Variants in FBXL20 observed in about 807,000 individuals in gnomAD.
FBXL20 encodes F-box/LRR-repeat protein 20.
A neutral mutation model predicts 64.0 loss-of-function variants in FBXL20; 11 were observed. The ratio of observed to expected loss-of-function variants is 0.17; its 90% CI spans 0.11 to 0.28. The LOEUF is 0.28. FBXL20 is among the 10% of genes least tolerant of loss of function. The probability of loss-of-function intolerance (pLI) is 1.00; values close to 1 mark genes in which losing one functional copy is unlikely to be tolerated. For synonymous variants in FBXL20, 184 were observed against 189.0 expected (o/e 0.97, Z 0.22); for missense variants, 303 against 526.2 (o/e 0.58, Z 4.15).
rs985906070 is a variant in FBXL20, at chr17:39,264,406, AG to A, written c.991-20del. The A allele has an allele frequency of 3.7e-6, 6 of 1,606,720 alleles. No homozygotes were observed. Among genetic ancestry groups the A allele is most frequent in the Non-Finnish European group, 5.1e-6 (6 of 1,174,874 alleles). On this transcript the variant is annotated intron_variant, in intron 13 of 14. Transcript: ENST00000264658. ...ACAGACTCTGCAGCCAAATAGAGCA[AG>A]GAAGGATGTTGAAATATCTTCTGGC...
intron 1 of FBXL20, among the ~76,000 whole-genome samples, chr17:39,366,720 C>A (rs2047863258): frequency 6.6e-6 from 1 of 152,106 alleles, no homozygotes; most frequent in Admixed American, 6.6e-5. Flanking sequence ...GCATTTCTGA[C>A]CTCGTAAGTT....
intron 2 of FBXL20, among the ~76,000 whole-genome samples, chr17:39,308,114 G>A (rs908223770): frequency 3.9e-5 from 6 of 152,096 alleles, no homozygotes; most frequent in Admixed American, 3.9e-4. Context: ...AAGGCAGGTG[G>A]AGGATCACTT....
At chr17:39,297,009 C>A (rs2047092214) in intron 6 of FBXL20, 118 bp downstream of exon 6, 3 of 554,326 alleles carry the variant, frequency 5.4e-6, no homozygotes, top group East Asian at 3.0e-5. Context: ...CTAAAAATAT[C>A]TTTCCTCTAC....
chr17:39,334,433 C>T (rs1469167749), intron 2 of FBXL20, among the ~76,000 whole-genome samples: 1 of 151,642 alleles, frequency 6.6e-6, no homozygotes, highest in Non-Finnish European at 1.5e-5. Context: ...CTTGCCAAAT[C>T]CCCCTCTCCG....
At chr17:39,304,346 G>A (rs550082692) in intron 2 of FBXL20, among the ~76,000 whole-genome samples, 1 of 152,270 alleles carries the variant, frequency 6.6e-6, no homozygotes, top group African/African-American at 2.4e-5. Context: ...TGAGTGCAGT[G>A]GCACAATCAC....
rs2046959001 is a variant in FBXL20, at chr17:39,282,756, C to T, written c.594G>A (p.Lys198=). ...QALVRGCGGL[K]ALFLKGCTQL... ...GCGTGCAGCCTTTTAAGAATAAGGCCTTGAGACCCCCACAGCCCCTCACTA... is the reference window on the plus strand; with the variant it reads ...GCGTGCAGCCTTTTAAGAATAAGGCTTTGAGACCCCCACAGCCCCTCACTA... The change falls in exon 8 of 15, where the codon AAG becomes AAA. Residue 198 remains lysine, a synonymous_variant. Coordinates refer to ENST00000264658, the MANE Select transcript of FBXL20 (RefSeq NM_032875.3). 1.1e-5 allele frequency: 17 copies of T among 1,613,990 alleles called. No homozygotes were observed. Among genetic ancestry groups the T allele is most frequent in the Non-Finnish European group, 1.4e-5 (16 of 1,180,012 alleles).
chr17:39,312,927 T>TTC (rs1169993634), intron 2 of FBXL20, among the ~76,000 whole-genome samples: 3 of 146,610 alleles, frequency 2.0e-5, no homozygotes, highest in Non-Finnish European at 4.5e-5. Context: ...ACTTTTTTTT[T>TTC]TTTTTTTTTG....
intron 1 of FBXL20, among the ~76,000 whole-genome samples, chr17:39,396,073 A>G (rs1288159845): frequency 2.4e-5 from 3 of 122,602 alleles, no homozygotes; most frequent in Non-Finnish European, 6.0e-5. Flanking sequence ...GACTTTTCGA[A>G]AAAAAAAAAA....
chr17:39,262,864 T>A (rs1321796962), intron 14 of FBXL20, among the ~76,000 whole-genome samples: 4 of 151,898 alleles, frequency 2.6e-5, no homozygotes, highest in African/African-American at 9.6e-5. Flanking sequence ...TAGCCGGGCG[T>A]GGTGGCATGC....
chr17:39,301,133 G>GCAAT lies in FBXL20; in HGVS notation c.160-62_160-59dup, dbSNP rs1287851264. The GCAAT allele has an allele frequency of 7.3e-6, 11 of 1,509,692 alleles. No homozygotes were observed. The African/African-American group carries it at 1.5e-4, about 21-fold the overall frequency. The allele number at this position is 1,509,692 out of a possible 1,614,324, so 93.5% of individuals were successfully genotyped here. On this transcript the variant is annotated intron_variant, in intron 3 of 14. Transcript: ENST00000264658. Reference sequence around the variant, plus strand: ...AAGCTAAAATTAAGGGGAAAAGGCAGCAATATTCAAGTTCACAATTCAACC... The same window carrying GCAAT: ...AAGCTAAAATTAAGGGGAAAAGGCAGCAATCAATATTCAAGTTCACAATTCAACC...
intron 2 of FBXL20, among the ~76,000 whole-genome samples, chr17:39,307,900 G>A (rs534299909): frequency 6.6e-6 from 1 of 151,418 alleles, no homozygotes; most frequent in Non-Finnish European, 1.5e-5. Context: ...CAACTTGGGA[G>A]GCAGAGGTTG....
upstream of FBXL20, chr17:39,402,443 G>C: frequency 2.6e-6 from 1 of 378,916 alleles, no homozygotes; most frequent in Non-Finnish European, 4.7e-6. Flanking sequence ...TGCCCGCCCT[G>C]GTCCGGGGAT....
At chr17:39,313,670 T>C (rs1464110911) in intron 2 of FBXL20, among the ~76,000 whole-genome samples, 1 of 147,878 alleles carries the variant, frequency 6.8e-6, no homozygotes, top group African/African-American at 2.5e-5. Context: ...AGTTTTGCTC[T>C]TGTTGCCCAG....
chr17:39,373,241 A>G (rs2047935452), intron 1 of FBXL20, among the ~76,000 whole-genome samples: 1 of 152,138 alleles, frequency 6.6e-6, no homozygotes, highest in Admixed American at 6.6e-5. Flanking sequence ...GTACTTCTTT[A>G]AAGAGATTAA....
At chr17:39,365,225 C>A (rs1452494745) in intron 1 of FBXL20, among the ~76,000 whole-genome samples, 3 of 152,098 alleles carry the variant, frequency 2.0e-5, no homozygotes, top group Non-Finnish European at 2.9e-5. Context: ...ACTGATTATG[C>A]CATTCCTTCA....
At chr17:39,392,474 A>G (rs1309965070) in intron 1 of FBXL20, among the ~76,000 whole-genome samples, 1 of 152,000 alleles carries the variant, frequency 6.6e-6, no homozygotes, top group East Asian at 1.9e-4. Flanking sequence ...AACAAAAAAC[A>G]AAAGTAGCTC....
At position 39,271,597 on chromosome 17, in the gene FBXL20, CAAAAAAAAA is replaced by C. The variant is rs11362087; in HGVS notation, c.828-750_828-742del. On this transcript the variant is annotated intron_variant, in intron 10 of 14. Coordinates refer to ENST00000264658, the MANE Select transcript of FBXL20 (RefSeq NM_032875.3). ...TGGGTGACAGAGCAAGGCTCCGACT[CAAAAAAAAA>C]AAAAAAAAAAAAAAAAAAGGTGGGG... Among the ~76,000 whole-genome samples the C allele has an allele frequency of 2.6e-4, 13 of 50,784 alleles. No homozygotes were observed. The South Asian group carries it at 0.014, about 56-fold the overall frequency. The allele number at this position is 50,784 out of a possible 152,430, so 33.3% of individuals were successfully genotyped here.
At chr17:39,337,788 C>T (rs1287069940) in intron 2 of FBXL20, among the ~76,000 whole-genome samples, 5 of 151,612 alleles carry the variant, frequency 3.3e-5, no homozygotes, top group South Asian at 2.1e-4. Context: ...GGTCAGCCCC[C>T]GCCAGGCCAG....
intron 1 of FBXL20, among the ~76,000 whole-genome samples, chr17:39,354,569 A>G (rs975039004): frequency 1.3e-5 from 2 of 152,206 alleles, no homozygotes; most frequent in African/African-American, 4.8e-5. Flanking sequence ...ACCCACAGCT[A>G]AACTAGTGCC....
Sources: gnomAD v4.1 joint callset for allele counts (sites outside exome capture counted in the v4.1 genomes callset) on GRCh38, gnomAD v4.1.1 for gene constraint, MANE v1.5 for transcripts, NCBI Gene and HGNC (gene_info 2026-07-23, HGNC 2026-07-21) for gene names.